The following EYS variants were observed in gnomAD, a reference collection of about 807,000 sequenced individuals.
The protein encoded by EYS is protein eyes shut homolog.
Under a neutral mutation model 282.1 loss-of-function variants are expected in EYS, and 250 were observed. The observed-to-expected ratio is 0.89, with a 90% CI of 0.80 to 0.98. The LOEUF (loss-of-function observed/expected upper bound fraction) is 0.98, where lower values mean the gene tolerates loss of function less well. EYS is among the 50% of genes least tolerant of loss of function. The pLI, the probability that EYS is intolerant of heterozygous loss-of-function variation, is 0.00. For synonymous variants in EYS, 1,355 were observed against 1,282.9 expected (o/e 1.06, Z -1.20); for missense variants, 4,016 against 3,709.0 (o/e 1.08, Z -2.15).
chr6:64,964,460 T>A (rs889582434), intron 14 of EYS, among the ~76,000 whole-genome samples: 8 of 152,158 alleles, frequency 5.3e-5, no homozygotes, highest in African/African-American at 1.9e-4. Flanking sequence ...TAAAATGTCA[T>A]ATGTTAAATT....
chr6:65,011,049 G>A (rs941785950), intron 13 of EYS, among the ~76,000 whole-genome samples: 9 of 152,276 alleles, frequency 5.9e-5, no homozygotes, highest in South Asian at 2.1e-4. Flanking sequence ...AATCCCCTCC[G>A]GGAAACCAAG....
intron 36 of EYS, chr6:63,821,376 C>T (rs1214982588): frequency 6.6e-6 from 1 of 152,096 alleles, no homozygotes; most frequent in Non-Finnish European, 1.5e-5. Flanking sequence ...GAATTCCTCA[C>T]CCTTATTGAG....
intron 26 of EYS, among the ~76,000 whole-genome samples, chr6:64,474,076 C>G (rs994369599): frequency 6.6e-6 from 1 of 152,118 alleles, no homozygotes; most frequent in Admixed American, 6.5e-5. Flanking sequence ...CTTCTTTGAT[C>G]ATCTGAACCT....
rs566592695 is a variant in EYS, at chr6:63,833,079, C to T, written c.7229-26707G>A. 3.3e-5 allele frequency among the ~76,000 whole-genome samples: 5 copies of T among 152,016 alleles called. No individual in the cohort carries two copies. The South Asian group carries it at 8.3e-4, about 25-fold the overall frequency. On this transcript the variant is annotated intron_variant, in intron 36 of 42. Transcript: ENST00000503581. ...ATGGGATGTATCTCAAAATAATAAG[C>T]CCTATTTATGACAAACCCACAGCCA...
intron 12 of EYS, among the ~76,000 whole-genome samples, chr6:65,123,100 T>A (rs1405001017): frequency 6.6e-6 from 1 of 152,122 alleles, no homozygotes. Context: ...CAACTGTAAT[T>A]TTAAATTCCA....
intron 12 of EYS, among the ~76,000 whole-genome samples, chr6:65,105,093 G>C (rs1457308656): frequency 6.6e-6 from 1 of 151,344 alleles, no homozygotes; most frequent in Non-Finnish European, 1.5e-5. Flanking sequence ...GATATAAAAT[G>C]TTTCCTTTTA....
chr6:64,362,633 T>G (rs537616694), intron 29 of EYS, among the ~76,000 whole-genome samples: 4 of 151,968 alleles, frequency 2.6e-5, no homozygotes, highest in Non-Finnish European at 5.9e-5. Context: ...ATAATTATTC[T>G]TTAATTATTA....
At chr6:65,583,400 AT>A (rs1182595544) in intron 2 of EYS, among the ~76,000 whole-genome samples, 6 of 152,086 alleles carry the variant, frequency 3.9e-5, no homozygotes, top group Admixed American at 1.3e-4. Context: ...ATTACTTTAT[AT>A]AAGTGGTAGA....
intron 33 of EYS, among the ~76,000 whole-genome samples, chr6:64,034,504 C>A (rs1181514390): frequency 6.6e-6 from 1 of 152,232 alleles, no homozygotes; most frequent in Non-Finnish European, 1.5e-5. Flanking sequence ...ACACTTAACT[C>A]TTATCCCAGT....
chr6:64,064,225 T>A (rs1771284615), intron 33 of EYS, among the ~76,000 whole-genome samples: 1 of 152,160 alleles, frequency 6.6e-6, no homozygotes, highest in African/African-American at 2.4e-5. Context: ...CACATAAGAA[T>A]TAGTTTTTTT....
intron 41 of EYS, among the ~76,000 whole-genome samples, chr6:63,752,445 C>T (rs1562009277): frequency 6.6e-6 from 1 of 150,388 alleles, no homozygotes; most frequent in Non-Finnish European, 1.5e-5. Flanking sequence ...TATAGAGTCT[C>T]TTCATTTTCT....
intron 13 of EYS, among the ~76,000 whole-genome samples, chr6:65,012,433 G>T (rs1771902805): frequency 6.6e-6 from 1 of 152,152 alleles, no homozygotes; most frequent in African/African-American, 2.4e-5. Context: ...ACAAACATAG[G>T]TTCTAAAAAC....
At chr6:63,760,670 A>ATCTG (rs1554167505) in intron 41 of EYS, among the ~76,000 whole-genome samples, 2 of 151,004 alleles carry the variant, frequency 1.3e-5, no homozygotes, top group African/African-American at 4.9e-5. Flanking sequence ...CTATCTATCT[A>ATCTG]TCTATCTATC....
At chr6:64,764,510 T>G (rs1583130624) in intron 22 of EYS, among the ~76,000 whole-genome samples, 1 of 152,138 alleles carries the variant, frequency 6.6e-6, no homozygotes. Context: ...AAACCAATTT[T>G]CCCTCCTAGG....
intron 35 of EYS, among the ~76,000 whole-genome samples, chr6:63,892,337 A>G (rs1581942679): frequency 6.6e-6 from 1 of 152,222 alleles, no homozygotes; most frequent in African/African-American, 2.4e-5. Context: ...TTAATCTACA[A>G]GGCTACAGTA....
intron 36 of EYS, among the ~76,000 whole-genome samples, chr6:63,809,691 A>G (rs1279968712): frequency 1.3e-5 from 2 of 152,188 alleles, no homozygotes; most frequent in Non-Finnish European, 2.9e-5. Flanking sequence ...ATCTCGGGGC[A>G]TTAAAAATTC....
chr6:65,168,736 G>A (rs1765035545), intron 12 of EYS, among the ~76,000 whole-genome samples: 1 of 151,192 alleles, frequency 6.6e-6, no homozygotes, highest in African/African-American at 2.4e-5. Flanking sequence ...CTTTTAAATT[G>A]TGGCCACTTT....
At chr6:65,332,264 T>G (rs1485613154) in intron 11 of EYS, 5 of 663,226 alleles carry the variant, frequency 7.5e-6, no homozygotes, top group African/African-American at 7.2e-5. Context: ...CATTTTCTTC[T>G]TTATTTATTC....
chr6:64,738,606 A>T (rs1486513895), intron 22 of EYS, among the ~76,000 whole-genome samples: 1 of 152,168 alleles, frequency 6.6e-6, no homozygotes, highest in Non-Finnish European at 1.5e-5. Flanking sequence ...TTGTATAGGA[A>T]ATGGCATTGC....
Sources: gnomAD v4.1 joint callset for allele counts (sites outside exome capture counted in the v4.1 genomes callset) on GRCh38, gnomAD v4.1.1 for gene constraint, MANE v1.5 for transcripts, NCBI Gene and HGNC (gene_info 2026-07-23, HGNC 2026-07-21) for gene names.